The following CSGALNACT1 variants were observed in gnomAD, a reference collection of about 807,000 sequenced individuals.
The protein encoded by CSGALNACT1 is beta4GalNAcT-1.
In CSGALNACT1, 52 loss-of-function variants were observed where a neutral mutation model predicts 51.0. That is an observed-to-expected ratio of 1.02 (90% CI 0.82 to 1.29). CSGALNACT1 has a LOEUF of 1.29. Ranked by LOEUF, CSGALNACT1 falls within the 50% of genes most tolerant of loss-of-function variation. The pLI, the probability that CSGALNACT1 is intolerant of heterozygous loss-of-function variation, is 0.00. For synonymous variants in CSGALNACT1, 341 were observed against 254.4 expected (o/e 1.34, Z -3.24); for missense variants, 935 against 679.2 (o/e 1.38, Z -4.19).
intron 6 of CSGALNACT1, among the ~76,000 whole-genome samples, chr8:19,422,982 C>T (rs1445385209): frequency 1.3e-5 from 2 of 152,190 alleles, no homozygotes; most frequent in African/African-American, 4.8e-5. Context: ...ACCTCTTCCT[C>T]CCCATTATAC....
At chr8:19,595,229 G>A (rs1171116040) in intron 2 of CSGALNACT1, among the ~76,000 whole-genome samples, 1 of 152,114 alleles carries the variant, frequency 6.6e-6, no homozygotes, top group African/African-American at 2.4e-5. Context: ...AAAAAGGCTA[G>A]AACCTCAAAG....
rs1004664753 is a variant in CSGALNACT1, at chr8:19,451,187, C to A, written c.851+7239G>T. On this transcript the variant is annotated intron_variant, in intron 5 of 9. Coordinates refer to ENST00000454498, the Ensembl canonical transcript of CSGALNACT1. ...CTAGGAGAAACCTCATCTCACCCAA[C>A]AGATGACAGACTTCTCTTCATTAAA... 3.9e-5 allele frequency among the ~76,000 whole-genome samples: 6 copies of A among 152,154 alleles called. No individual in the cohort carries two copies. In the East Asian group the frequency reaches 9.7e-4, roughly 24 times the overall value.
At chr8:19,667,022 AGG>A (rs1554794982) in intron 1 of CSGALNACT1, among the ~76,000 whole-genome samples, 6 of 36,066 alleles carry the variant, frequency 1.7e-4, no homozygotes, top group African/African-American at 9.6e-4. Flanking sequence ...AAAGAAAGGA[AGG>A]AAGGAAGGAA....
At chr8:19,576,105 G>C (rs1168635515) in intron 3 of CSGALNACT1, among the ~76,000 whole-genome samples, 2 of 152,110 alleles carry the variant, frequency 1.3e-5, no homozygotes, top group Non-Finnish European at 2.9e-5. Flanking sequence ...CTCTGTGCAG[G>C]CTCCTCTGAT....
At chr8:19,549,935 A>G (rs776270759) in intron 3 of CSGALNACT1, among the ~76,000 whole-genome samples, 4 of 151,944 alleles carry the variant, frequency 2.6e-5, no homozygotes, top group Non-Finnish European at 2.9e-5. Flanking sequence ...TATGCGACCT[A>G]CCTTTTCTCT....
At chr8:19,440,614 T>C (rs532431035) in intron 5 of CSGALNACT1, among the ~76,000 whole-genome samples, 39 of 152,126 alleles carry the variant, frequency 2.6e-4, no homozygotes, top group Non-Finnish European at 4.7e-4. Context: ...CAATATCATA[T>C]TGAATGGGCA....
chr8:19,678,941 G>A (rs934980495), intron 1 of CSGALNACT1: 2 of 152,168 alleles, frequency 1.3e-5, no homozygotes, highest in Non-Finnish European at 2.9e-5. Context: ...ATCCCATGCT[G>A]GGAGCTTGAC....
chr8:19,611,007 G>C (rs944370173), intron 1 of CSGALNACT1, among the ~76,000 whole-genome samples: 1 of 152,204 alleles, frequency 6.6e-6, no homozygotes, highest in Non-Finnish European at 1.5e-5. Flanking sequence ...AGAGCTTTGA[G>C]CAGCGGGGCA....
chr8:19,702,641 G>T (rs2061943044), intron 1 of CSGALNACT1, among the ~76,000 whole-genome samples: 1 of 152,054 alleles, frequency 6.6e-6, no homozygotes, highest in African/African-American at 2.4e-5. Context: ...GTTGTCCCCT[G>T]CATGCACCTG....
intron 1 of CSGALNACT1, among the ~76,000 whole-genome samples, chr8:19,733,287 A>G (rs1437808784): frequency 6.6e-6 from 1 of 152,238 alleles, no homozygotes; most frequent in Non-Finnish European, 1.5e-5. Context: ...ACTCTTGTCA[A>G]TTTGGAACTT....
chr8:19,710,219 A>T (rs772729444), intron 1 of CSGALNACT1, among the ~76,000 whole-genome samples: 1 of 152,198 alleles, frequency 6.6e-6, no homozygotes, highest in Non-Finnish European at 1.5e-5. Flanking sequence ...ATTCCATAAA[A>T]CGCATAATTA....
intron 3 of CSGALNACT1, among the ~76,000 whole-genome samples, chr8:19,562,834 T>C (rs2041077733): frequency 6.6e-6 from 1 of 152,176 alleles, no homozygotes; most frequent in African/African-American, 2.4e-5. Context: ...GTGGTAGGAA[T>C]GTAAATTAGT....
At chr8:19,597,997 C>A (rs1300085678) in intron 2 of CSGALNACT1, among the ~76,000 whole-genome samples, 1 of 152,214 alleles carries the variant, frequency 6.6e-6, no homozygotes, top group Admixed American at 6.5e-5. Context: ...CAAAGGCTCC[C>A]CCCTTACCTG....
chr8:19,483,019 A>T (rs900619379), intron 4 of CSGALNACT1, among the ~76,000 whole-genome samples: 1 of 152,180 alleles, frequency 6.6e-6, no homozygotes. Flanking sequence ...ATACAGTGAC[A>T]TTCACATAGA....
At chr8:19,415,646 T>G (rs952023888) in intron 8 of CSGALNACT1, among the ~76,000 whole-genome samples, 1 of 152,244 alleles carries the variant, frequency 6.6e-6, no homozygotes, top group Admixed American at 6.5e-5. Flanking sequence ...TCTTTTGGAT[T>G]GTAAAACGAA....
chr8:19,514,510 T>TATATAC (rs1422248108), intron 3 of CSGALNACT1, among the ~76,000 whole-genome samples: 14 of 133,050 alleles, frequency 1.1e-4, no homozygotes, highest in Non-Finnish European at 1.9e-4. Flanking sequence ...TATATATATA[T>TATATAC]ACATGTATCT....
intron 1 of CSGALNACT1, among the ~76,000 whole-genome samples, chr8:19,636,243 T>G (rs1428380938): frequency 6.6e-6 from 1 of 152,224 alleles, no homozygotes; most frequent in South Asian, 2.1e-4. Context: ...CAGTATATTG[T>G]TATAACTATT....
At chr8:19,625,554 C>G (rs1405762183) in intron 1 of CSGALNACT1, among the ~76,000 whole-genome samples, 1 of 152,136 alleles carries the variant, frequency 6.6e-6, no homozygotes, top group Non-Finnish European at 1.5e-5. Flanking sequence ...GTGCCTGAGC[C>G]TCACACCTTG....
At chr8:19,493,077 G>C (rs1435623646) in intron 4 of CSGALNACT1, among the ~76,000 whole-genome samples, 1 of 149,328 alleles carries the variant, frequency 6.7e-6, no homozygotes, top group African/African-American at 2.5e-5. Context: ...AAAAACATCT[G>C]TAAATATGTT....
Sources: allele counts gnomAD v4.1 joint callset (sites outside exome capture counted in the v4.1 genomes callset), GRCh38; gene constraint gnomAD v4.1.1; transcripts MANE v1.5; gene names NCBI Gene and HGNC (gene_info 2026-07-23, HGNC 2026-07-21).